Variants in TMOD3 observed in about 807,000 individuals in gnomAD.
TMOD3 encodes the protein tropomodulin 3.
A neutral mutation model predicts 39.2 loss-of-function variants in TMOD3; 20 were observed. That is an observed-to-expected ratio of 0.51 (90% CI 0.36 to 0.74). TMOD3 has a LOEUF of 0.74. Among genes scored for constraint, TMOD3 ranks in the 30% least tolerant of loss-of-function variants. The pLI, the probability that TMOD3 is intolerant of heterozygous loss-of-function variation, is 0.00. For synonymous variants in TMOD3, 143 were observed against 145.8 expected, an observed-to-expected ratio of 0.98 and a Z score of 0.14; for missense variants, 381 against 412.8, an observed-to-expected ratio of 0.92 and a Z score of 0.67.
chr15:51,905,103 C>G (rs1281690966), intron 9 of TMOD3, among the ~76,000 whole-genome samples: 2 of 152,318 alleles, frequency 1.3e-5, no homozygotes, highest in Non-Finnish European at 1.5e-5. Flanking sequence ...ATGCTGATGG[C>G]AGCCTGTGGA....
intron 1 of TMOD3, among the ~76,000 whole-genome samples, chr15:51,846,202 G>T (rs1038236206): frequency 6.6e-6 from 1 of 151,360 alleles, no homozygotes; most frequent in African/African-American, 2.4e-5. Context: ...ATAGTGGCAC[G>T]CACCTATTGT....
At chr15:51,835,304 CTGTTT>C (rs564479021) in intron 1 of TMOD3, among the ~76,000 whole-genome samples, 1 of 151,970 alleles carries the variant, frequency 6.6e-6, no homozygotes, top group Non-Finnish European at 1.5e-5. Flanking sequence ...CCATCTTTTT[CTGTTT>C]TGTTTTGTTT....
At chr15:51,885,985 C>T (rs1191290001) in intron 3 of TMOD3, among the ~76,000 whole-genome samples, 8 of 150,734 alleles carry the variant, frequency 5.3e-5, no homozygotes, top group Non-Finnish European at 8.9e-5. Flanking sequence ...CCCTCCCGGA[C>T]GGGGCGGCTG....
At chr15:51,836,586 A>G (rs932116743) in intron 1 of TMOD3, among the ~76,000 whole-genome samples, 1 of 152,134 alleles carries the variant, frequency 6.6e-6, no homozygotes, top group African/African-American at 2.4e-5. Context: ...TTAGCCAGGC[A>G]TGTTGGCACA....
chr15:51,909,111 T>C lies in TMOD3; in HGVS notation c.*301T>C. On this transcript the variant is annotated 3_prime_UTR_variant, in exon 10 of 10. Transcript: ENST00000308580. ...TCACAGGTCATTTGTGTAGAATAATTTGAACATTGTGAGGACCAATCTTTT... is the reference window on the plus strand; with the variant it reads ...TCACAGGTCATTTGTGTAGAATAATCTGAACATTGTGAGGACCAATCTTTT... The C allele has an allele frequency of 4.0e-6, 1 of 248,068 alleles. No individual in the cohort carries two copies. The highest frequency in any genetic ancestry group is 1.4e-4 in the South Asian group (1 of 6,934). The allele number at this position is 248,068 out of a possible 1,614,324, so 15.4% of individuals were successfully genotyped here. A position where few individuals can be genotyped will look rare whatever the true frequency, so the allele number is the denominator to read the frequency against.
At chr15:51,906,265 C>T (rs984716615) in intron 9 of TMOD3, among the ~76,000 whole-genome samples, 1 of 152,182 alleles carries the variant, frequency 6.6e-6, no homozygotes, top group African/African-American at 2.4e-5. Flanking sequence ...TTGGTCTCAG[C>T]AGCCTGATAT....
chr15:51,848,868 T>C (rs1447381919), intron 1 of TMOD3, among the ~76,000 whole-genome samples: 2 of 152,208 alleles, frequency 1.3e-5, no homozygotes, highest in African/African-American at 4.8e-5. Context: ...CTAGACACAG[T>C]TTCTCTAAGA....
At position 51,863,733 on chromosome 15, in the gene TMOD3, C is replaced by T. The variant is rs1595896949; in HGVS notation, c.126+723C>T. ...TTTACCACATTTCTTTATGCCAAGACGTTGATTTTAAGTATCCTCTAAGGA... is the reference window on the plus strand; with the variant it reads ...TTTACCACATTTCTTTATGCCAAGATGTTGATTTTAAGTATCCTCTAAGGA... On this transcript the variant is annotated intron_variant, in intron 2 of 9. Transcript: ENST00000308580. Among the ~76,000 whole-genome samples, 4 of 152,198 alleles carry T rather than the reference C, an allele frequency of 2.6e-5. 1 individual carries two copies. Among genetic ancestry groups the T allele is most frequent in the African/African-American group, 2.4e-5 (1 of 41,518 alleles).
intron 9 of TMOD3, among the ~76,000 whole-genome samples, chr15:51,902,930 C>T (rs1451146158): frequency 6.6e-6 from 1 of 152,086 alleles, no homozygotes; most frequent in Non-Finnish European, 1.5e-5. Flanking sequence ...GGATTACAAG[C>T]GTGAGCCACC....
intron 3 of TMOD3, among the ~76,000 whole-genome samples, chr15:51,878,394 G>A (rs2056516283): frequency 6.6e-6 from 1 of 151,968 alleles, no homozygotes; most frequent in African/African-American, 2.4e-5. Flanking sequence ...GTGTGTGTGT[G>A]TGTGTGTGTG....
chr15:51,840,356 T>C (rs2056307257), intron 1 of TMOD3, among the ~76,000 whole-genome samples: 1 of 152,242 alleles, frequency 6.6e-6, no homozygotes, highest in Admixed American at 6.5e-5. Context: ...TAATGAAGTG[T>C]TCCTTAAAAA....
In TMOD3 at chr15:51,881,535, A is replaced by G. The variant is rs181508898; in HGVS notation, c.284-6054A>G. Among the ~76,000 whole-genome samples, 547 of 147,446 alleles carry G rather than the reference A, an allele frequency of 3.7e-3. 4 individuals are homozygous for G. Among genetic ancestry groups the G allele is most frequent in the African/African-American group, 0.014 (526 of 38,860 alleles). On this transcript the variant is annotated intron_variant, in intron 3 of 9. Coordinates refer to ENST00000308580, the MANE Select transcript of TMOD3 (RefSeq NM_014547.5). ...GCCTAATTCAAGGTCACGGAGATAC[A>G]ATCTTTCTTTATTTCTTTTTTTTTT...
At chr15:51,844,699 C>A (rs905376899) in intron 1 of TMOD3, among the ~76,000 whole-genome samples, 1 of 152,072 alleles carries the variant, frequency 6.6e-6, no homozygotes, top group Non-Finnish European at 1.5e-5. Flanking sequence ...GTGATTGAAT[C>A]TTTTTTGCAT....
intron 9 of TMOD3, among the ~76,000 whole-genome samples, chr15:51,903,692 T>C (rs2056664119): frequency 2.0e-5 from 3 of 152,372 alleles, no homozygotes; most frequent in African/African-American, 7.2e-5. Context: ...AGTTAGCTTC[T>C]ATTTTTTCCT....
chr15:51,854,959 A>C (rs1002648781), intron 1 of TMOD3, among the ~76,000 whole-genome samples: 6 of 152,222 alleles, frequency 3.9e-5, no homozygotes, highest in African/African-American at 1.4e-4. Context: ...TCTAGAAATA[A>C]GTGATAAATG....
At chr15:51,874,459 G>A (rs2056491341) in intron 3 of TMOD3, among the ~76,000 whole-genome samples, 1 of 152,206 alleles carries the variant, frequency 6.6e-6, no homozygotes, top group Non-Finnish European at 1.5e-5. Context: ...TTTGCAGAAT[G>A]TATAACTGAG....
At position 51,843,984 on chromosome 15, in the gene TMOD3, G is replaced by T. The variant is rs1050550901; in HGVS notation, c.-75+14148G>T. Among the ~76,000 whole-genome samples the T allele has an allele frequency of 6.6e-5, 10 of 150,930 alleles. No individual in the cohort carries two copies. In the South Asian group the frequency reaches 2.1e-3, roughly 31 times the overall value. On this transcript the variant is annotated intron_variant, in intron 1 of 9. Coordinates refer to ENST00000308580, the MANE Select transcript of TMOD3 (RefSeq NM_014547.5). ...TGTTTTTTCTACCAAAGCACTTCTT[G>T]CTGTTACCTGAGTGTGGCATGCATA...
Position 51,893,844 on chromosome 15 carries a change from G to T in TMOD3, c.526G>T (p.Val176Leu). 1 of 1,607,694 alleles carries T rather than the reference G, an allele frequency of 6.2e-7. No homozygotes were observed. The highest frequency in any genetic ancestry group is 8.5e-7 in the Non-Finnish European group (1 of 1,175,836). ...NVVKGEKILP[V>L]FDEPPNPTNV... is the part of the protein sequence containing the mutation. Reference sequence around the variant, plus strand: ...GGTCAAAGGTGAAAAGATTCTTCCGGTATTTGATGAGCCACCAAATCCAAC... The same window carrying T: ...GGTCAAAGGTGAAAAGATTCTTCCGTTATTTGATGAGCCACCAAATCCAAC... Residue 176 changes from valine to leucine, a missense_variant, in exon 6 of 10, where the codon GTA (valine) becomes TTA (leucine). Coordinates refer to ENST00000308580, the MANE Select transcript of TMOD3 (RefSeq NM_014547.5).
intron 1 of TMOD3, among the ~76,000 whole-genome samples, chr15:51,858,927 C>A (rs951038487): frequency 6.6e-6 from 1 of 152,186 alleles, no homozygotes; most frequent in African/African-American, 2.4e-5. Flanking sequence ...ATCCCAGCTA[C>A]TCGGGAGTCT....
Sources: gnomAD v4.1 joint callset for allele counts (sites outside exome capture counted in the v4.1 genomes callset) on GRCh38, gnomAD v4.1.1 for gene constraint, MANE v1.5 for transcripts, NCBI Gene and HGNC (gene_info 2026-07-23, HGNC 2026-07-21) for gene names.